The following MAOB variants were observed in gnomAD, a reference collection of about 807,000 sequenced individuals.
MAOB encodes the protein monoamine oxidase B.
Under a neutral mutation model 41.9 loss-of-function variants are expected in MAOB, and 15 were observed. The ratio of observed to expected loss-of-function variants is 0.36; its 90% CI spans 0.24 to 0.55. MAOB has a LOEUF of 0.55. Ranked by LOEUF, MAOB falls within the 20% of genes least tolerant of loss-of-function variation. The probability of loss-of-function intolerance (pLI) is 0.86; values close to 1 mark genes in which losing one functional copy is unlikely to be tolerated. For synonymous variants in MAOB, 167 were observed against 144.2 expected (o/e 1.16, Z -1.13); for missense variants, 345 against 398.7 (o/e 0.87, Z 1.15).
intron 1 of MAOB, among the ~76,000 whole-genome samples, chrX:43,876,277 A>G (rs1317957360): frequency 8.9e-6 from 1 of 112,011 alleles, no homozygotes; most frequent in Non-Finnish European, 1.9e-5. Context: ...ACACTTATTA[A>G]TAACAAAAAT....
rs1225497431 is a variant in MAOB at position 43,767,252 on chromosome X, T to TTCCAA, written c.*213_*214insTTGGA. On this transcript the variant is annotated 3_prime_UTR_variant, in exon 15 of 15. Transcript: ENST00000378069. ...TGAGGGCAATAAACTTGGAAACTGG[T>TTCCAA]GAAACAGAACGCTAAGCCAGGTAAG... 3 of 357,563 alleles carry TTCCAA rather than the reference T, an allele frequency of 8.4e-6. No homozygotes were observed. The highest frequency in any genetic ancestry group is 1.4e-5 in the Non-Finnish European group (3 of 210,161). 29.5% of individuals were successfully genotyped at this position (357,563 alleles called of 1,213,427 possible). A position where few individuals can be genotyped will look rare whatever the true frequency, so the allele number is the denominator to read the frequency against.
intron 5 of MAOB, among the ~76,000 whole-genome samples, chrX:43,800,030 T>G (rs908634795): frequency 8.9e-6 from 1 of 112,062 alleles, no homozygotes. Flanking sequence ...AACAATAGGT[T>G]GGATATTCTG....
chrX:43,807,983 A>G (rs967051903), intron 3 of MAOB, among the ~76,000 whole-genome samples: 6 of 111,585 alleles, frequency 5.4e-5, no homozygotes, highest in Non-Finnish European at 1.1e-4. Context: ...ACCCAGACCC[A>G]CTATGGTCTC....
intron 1 of MAOB, among the ~76,000 whole-genome samples, chrX:43,852,555 G>A (rs1224813376): frequency 8.9e-6 from 1 of 112,001 alleles, no homozygotes; most frequent in Admixed American, 9.4e-5. Flanking sequence ...GTTGGTATAT[G>A]AGTGTTGACT....
At chrX:43,819,586 G>A (rs965489321) in intron 3 of MAOB, among the ~76,000 whole-genome samples, 4 of 111,825 alleles carry the variant, frequency 3.6e-5, no homozygotes, top group Non-Finnish European at 5.6e-5. Flanking sequence ...CTCCAAGTCT[G>A]TGTCTTGAGG....
intron 3 of MAOB, among the ~76,000 whole-genome samples, chrX:43,824,862 GCA>G (rs1184195420): frequency 2.7e-5 from 3 of 112,911 alleles, no homozygotes; most frequent in Non-Finnish European, 5.6e-5. Context: ...ACGCACACAT[GCA>G]CACACACATC....
chrX:43,785,230 C>T (rs959597897), intron 8 of MAOB, among the ~76,000 whole-genome samples: 2 of 113,145 alleles, frequency 1.8e-5, no homozygotes, highest in Non-Finnish European at 3.7e-5. Flanking sequence ...GGATAACTTG[C>T]TGCAGCTTCT....
intron 3 of MAOB, among the ~76,000 whole-genome samples, chrX:43,805,124 T>C (rs776846569): frequency 8.9e-6 from 1 of 111,769 alleles, no homozygotes; most frequent in Non-Finnish European, 1.9e-5. Flanking sequence ...TTGAGCTAAT[T>C]AACATACGCA....
intron 1 of MAOB, among the ~76,000 whole-genome samples, chrX:43,850,855 G>T (rs771304181): frequency 1.3e-4 from 15 of 112,231 alleles, no homozygotes; most frequent in Non-Finnish European, 2.1e-4. Flanking sequence ...CCTTTCTCCA[G>T]ATGCAGCCGC....
chrX:43,869,513 T>G (rs758791366), intron 1 of MAOB, among the ~76,000 whole-genome samples: 1 of 111,644 alleles, frequency 9.0e-6, no homozygotes, highest in Non-Finnish European at 1.9e-5. Context: ...GAGACCTGCT[T>G]AGAATCTTTA....
At chrX:43,848,960 A>C (rs1449707863) in intron 1 of MAOB, among the ~76,000 whole-genome samples, 1 of 112,450 alleles carries the variant, frequency 8.9e-6, no homozygotes, top group African/African-American at 3.2e-5. Flanking sequence ...ATTTCTCTGA[A>C]GAGAATACTT....
chrX:43,821,948 C>T (rs993872487), intron 3 of MAOB, among the ~76,000 whole-genome samples: 1 of 112,195 alleles, frequency 8.9e-6, no homozygotes, highest in Non-Finnish European at 1.9e-5. Context: ...CATTAAATTA[C>T]ATGCCCAAGG....
chrX:43,770,117 A>T (rs1317108626), intron 12 of MAOB, among the ~76,000 whole-genome samples: 1 of 111,349 alleles, frequency 9.0e-6, no homozygotes, highest in East Asian at 2.8e-4. Flanking sequence ...TACTGATGTC[A>T]GCCCTCTTTG....
chrX:43,824,446 A>C (rs746118869), intron 3 of MAOB, among the ~76,000 whole-genome samples: 6 of 112,165 alleles, frequency 5.3e-5, no homozygotes, highest in Non-Finnish European at 9.4e-5. Context: ...CACTTTGGGA[A>C]ACCGAGGCGG....
At chrX:43,877,331 G>A (rs1369864343) in intron 1 of MAOB, among the ~76,000 whole-genome samples, 1 of 110,498 alleles carries the variant, frequency 9.0e-6, no homozygotes, top group Non-Finnish European at 1.9e-5. Context: ...CTGCCCTGGT[G>A]ACTTCTGAGG....
At chrX:43,811,672 C>A (rs186936001) in intron 3 of MAOB, among the ~76,000 whole-genome samples, 1 of 111,873 alleles carries the variant, frequency 8.9e-6, no homozygotes, top group East Asian at 2.8e-4. Flanking sequence ...CCCTTGTTCA[C>A]ATTTCCAATT....
At chrX:43,815,637 G>A (rs1381830140) in intron 3 of MAOB, among the ~76,000 whole-genome samples, 1 of 112,135 alleles carries the variant, frequency 8.9e-6, no homozygotes, top group Non-Finnish European at 1.9e-5. Context: ...ATAACACCAG[G>A]AGAAGGTACT....
intron 1 of MAOB, among the ~76,000 whole-genome samples, chrX:43,845,810 A>C (rs779098750): frequency 8.9e-6 from 1 of 112,659 alleles, no homozygotes; most frequent in Admixed American, 9.3e-5. Context: ...TGAAAAGCCA[A>C]GGCTTTAGTC....
intron 1 of MAOB, chrX:43,850,345 A>G (rs771252768): frequency 4.0e-6 from 3 of 746,020 alleles, no homozygotes; most frequent in South Asian, 1.4e-4. Flanking sequence ...GAGTCTATCA[A>G]TGTCCAAAGC....
Sources: allele counts gnomAD v4.1 joint callset (sites outside exome capture counted in the v4.1 genomes callset), GRCh38; gene constraint gnomAD v4.1.1; transcripts MANE v1.5; gene names NCBI Gene and HGNC (gene_info 2026-07-23, HGNC 2026-07-21).